Variants in NAV3 observed in about 807,000 individuals in gnomAD.
The protein encoded by NAV3 is neuron navigator 3.
A neutral mutation model predicts 244.7 loss-of-function variants in NAV3; 87 were observed. The ratio of observed to expected loss-of-function variants is 0.36; its 90% CI spans 0.30 to 0.42. NAV3 has a LOEUF of 0.42. NAV3 is among the 20% of genes least tolerant of loss of function. NAV3 has a pLI of 1.00. For synonymous variants in NAV3, 1,126 were observed against 1,042.2 expected, an observed-to-expected ratio of 1.08 and a Z score of -1.55; for missense variants, 2,663 against 2,893.3, an observed-to-expected ratio of 0.92 and a Z score of 1.83.
intron 3 of NAV3, among the ~76,000 whole-genome samples, chr12:77,948,500 A>AT (rs200376434): frequency 2.0e-5 from 3 of 151,594 alleles, no homozygotes; most frequent in Non-Finnish European, 4.4e-5. Context: ...TTTTATCCTG[A>AT]TTTTTTTTGT....
intron 3 of NAV3, among the ~76,000 whole-genome samples, chr12:77,964,450 A>G (rs1892336991): frequency 6.6e-6 from 1 of 152,186 alleles, no homozygotes; most frequent in Non-Finnish European, 1.5e-5. Context: ...TCTTAATATT[A>G]GGCCACAATA....
At chr12:78,000,236 G>T (rs1873014550) in intron 7 of NAV3, among the ~76,000 whole-genome samples, 1 of 152,036 alleles carries the variant, frequency 6.6e-6, no homozygotes, top group African/African-American at 2.4e-5. Flanking sequence ...ATAACCACAA[G>T]GTGGAGACAG....
At chr12:78,036,965 C>G (rs1383223732) in intron 9 of NAV3, 1 of 702,858 alleles carries the variant, frequency 1.4e-6, no homozygotes, top group Non-Finnish European at 2.6e-6. Context: ...TTTCCCTCAC[C>G]AGTGATGGGG....
At chr12:78,027,072 A>T (rs988825735) in intron 9 of NAV3, among the ~76,000 whole-genome samples, 1 of 152,178 alleles carries the variant, frequency 6.6e-6, no homozygotes, top group African/African-American at 2.4e-5. Flanking sequence ...ATGTTTAGTT[A>T]TTCTACAGAA....
At chr12:78,177,802 T>G (rs1958306471) in intron 28 of NAV3, 117 bp downstream of exon 28, 7 of 882,706 alleles carry the variant, frequency 7.9e-6, no homozygotes, top group Non-Finnish European at 1.0e-5. Flanking sequence ...TACCTTCTCT[T>G]TCTGTTTTTT....
intron 2 of NAV3, among the ~76,000 whole-genome samples, chr12:77,602,148 TTC>T (rs1870461575): frequency 6.6e-6 from 1 of 152,002 alleles, no homozygotes; most frequent in African/African-American, 2.4e-5. Flanking sequence ...TTTGCTCACA[TTC>T]TATTGGCTAC....
chr12:78,084,013 C>A (rs1016466775), intron 12 of NAV3, among the ~76,000 whole-genome samples: 2 of 152,132 alleles, frequency 1.3e-5, no homozygotes, highest in African/African-American at 4.8e-5. Flanking sequence ...CTACTCTGCT[C>A]CTGTCCAGCT....
intron 2 of NAV3, among the ~76,000 whole-genome samples, chr12:77,636,447 A>G (rs1457533466): frequency 3.4e-5 from 5 of 148,128 alleles, no homozygotes; most frequent in Non-Finnish European, 5.9e-5. Flanking sequence ...CCTGGGCAGC[A>G]GTGCCAGACA....
At chr12:78,045,743 C>T (rs1171508599) in intron 9 of NAV3, among the ~76,000 whole-genome samples, 1 of 152,176 alleles carries the variant, frequency 6.6e-6, no homozygotes, top group African/African-American at 2.4e-5. Flanking sequence ...ATGCTGGCCT[C>T]ATAAAATGAG....
intron 20 of NAV3, among the ~76,000 whole-genome samples, chr12:78,141,718 T>C (rs421294): frequency 0.34 from 50,902 of 151,926 alleles, 8,815 homozygotes; most frequent in East Asian, 0.48. Context: ...TTTAGGTAAA[T>C]GTACTTTTTG....
chr12:77,905,019 A>G (rs1357517394), intron 1 of NAV3, among the ~76,000 whole-genome samples: 1 of 152,136 alleles, frequency 6.6e-6, no homozygotes, highest in African/African-American at 2.4e-5. Context: ...AGTTATTCTC[A>G]TATTTAATGC....
chr12:77,904,054 A>G lies in NAV3; in HGVS notation c.244-36265A>G, dbSNP rs547499346. On this transcript the variant is annotated intron_variant, in intron 1 of 39. Transcript: ENST00000397909. ...ACTTTTACACTGTTGGTGGGACTGT[A>G]AACTAGTTCAACCATTGTGGAAGTC... Among the ~76,000 whole-genome samples, 368 of 152,268 alleles carry G rather than the reference A, an allele frequency of 2.4e-3. 1 individual carries two copies. Among genetic ancestry groups the G allele is most frequent in the Admixed American group, 3.7e-3 (56 of 15,304 alleles).
intron 2 of NAV3, among the ~76,000 whole-genome samples, chr12:77,601,652 A>T (rs1340893835): frequency 1.3e-5 from 2 of 152,006 alleles, no homozygotes; most frequent in Non-Finnish European, 2.9e-5. Flanking sequence ...TTTGTATTGT[A>T]CTTGGTAGAT....
At chr12:77,742,559 G>T (rs1044961009) in intron 2 of NAV3, among the ~76,000 whole-genome samples, 5 of 151,952 alleles carry the variant, frequency 3.3e-5, no homozygotes, top group African/African-American at 9.7e-5. Context: ...AATATATGTA[G>T]ATACTAGTCT....
chr12:77,886,788 A>T (rs1232403095), intron 1 of NAV3, among the ~76,000 whole-genome samples: 1 of 152,182 alleles, frequency 6.6e-6, no homozygotes, highest in African/African-American at 2.4e-5. Flanking sequence ...ATAAATAATC[A>T]TTGAGCTGAA....
At chr12:77,610,067 C>G (rs1870844973) in intron 2 of NAV3, among the ~76,000 whole-genome samples, 1 of 151,948 alleles carries the variant, frequency 6.6e-6, no homozygotes, top group Non-Finnish European at 1.5e-5. Flanking sequence ...CCTTACATTT[C>G]CTTTTTCAAT....
At chr12:78,048,512 T>G (rs1882219843) in intron 9 of NAV3, among the ~76,000 whole-genome samples, 1 of 152,206 alleles carries the variant, frequency 6.6e-6, no homozygotes, top group Non-Finnish European at 1.5e-5. Context: ...GGAGGTTCAC[T>G]CCAGATCCTA....
intron 15 of NAV3, among the ~76,000 whole-genome samples, chr12:78,121,559 G>A (rs1955670439): frequency 1.3e-5 from 2 of 151,984 alleles, no homozygotes; most frequent in Non-Finnish European, 2.9e-5. Context: ...GTTGTCTATC[G>A]AATGCGTAGA....
chr12:78,058,094 T>G (rs1350341484), intron 11 of NAV3, among the ~76,000 whole-genome samples: 1 of 152,188 alleles, frequency 6.6e-6, no homozygotes, highest in Non-Finnish European at 1.5e-5. Context: ...GTGCATGCAA[T>G]TACAAATTAA....
Sources: gnomAD v4.1 joint callset for allele counts (sites outside exome capture counted in the v4.1 genomes callset) on GRCh38, gnomAD v4.1.1 for gene constraint, MANE v1.5 for transcripts, NCBI Gene and HGNC (gene_info 2026-07-23, HGNC 2026-07-21) for gene names.